ROBO1: variants seen among roughly 807,000 people sequenced by gnomAD.
ROBO1 encodes the protein roundabout homolog 1.
Under a neutral mutation model 195.9 loss-of-function variants are expected in ROBO1, and 149 were observed. The ratio of observed to expected loss-of-function variants is 0.76; its 90% CI spans 0.67 to 0.87. The LOEUF (loss-of-function observed/expected upper bound fraction) is 0.87, where lower values mean the gene tolerates loss of function less well. Ranked by LOEUF, ROBO1 falls within the 40% of genes least tolerant of loss-of-function variation. The pLI, the probability that ROBO1 is intolerant of heterozygous loss-of-function variation, is 0.00. For missense variants in ROBO1, 1,933 were observed against 2,068.3 expected (o/e 0.93, Z 1.27); for synonymous variants, 816 against 733.2 (o/e 1.11, Z -1.82).
intron 2 of ROBO1, among the ~76,000 whole-genome samples, chr3:79,250,086 G>T (rs966277897): frequency 6.6e-6 from 1 of 152,162 alleles, no homozygotes; most frequent in Non-Finnish European, 1.5e-5. Context: ...TGGTGTGGCA[G>T]TTAGAAGCTA....
chr3:78,779,793 G>A (rs765897127), intron 4 of ROBO1, among the ~76,000 whole-genome samples: 1 of 152,096 alleles, frequency 6.6e-6, no homozygotes, highest in Non-Finnish European at 1.5e-5. Flanking sequence ...CTACTATAAA[G>A]ACATATGCAC....
chr3:79,466,606 G>C (rs942622478), intron 2 of ROBO1, among the ~76,000 whole-genome samples: 1 of 152,122 alleles, frequency 6.6e-6, no homozygotes, highest in Admixed American at 6.6e-5. Flanking sequence ...GTAGATTCAA[G>C]TGGATCTTAG....
intron 4 of ROBO1, among the ~76,000 whole-genome samples, chr3:78,893,817 C>G (rs2037067014): frequency 6.6e-6 from 1 of 151,988 alleles, no homozygotes; most frequent in Non-Finnish European, 1.5e-5. Context: ...ATAGATTTTC[C>G]TCTAGGATCT....
chr3:79,588,825 T>C (rs938387818), intron 2 of ROBO1, among the ~76,000 whole-genome samples: 5 of 151,712 alleles, frequency 3.3e-5, no homozygotes, highest in African/African-American at 1.2e-4. Context: ...CATGTGAAAA[T>C]GTTTTTAACA....
chr3:79,030,608 A>T (rs1035643120), intron 3 of ROBO1, among the ~76,000 whole-genome samples: 35 of 152,252 alleles, frequency 2.3e-4, no homozygotes, highest in African/African-American at 7.7e-4. Flanking sequence ...CTATACAAAC[A>T]TCTTCAAAGC....
chr3:78,664,534 T>C (rs1477112639), intron 14 of ROBO1, among the ~76,000 whole-genome samples: 1 of 152,202 alleles, frequency 6.6e-6, no homozygotes, highest in Non-Finnish European at 1.5e-5. Context: ...AATCAAATCT[T>C]GTCTTTGGGA....
chr3:78,962,836 AAAAAAAAAAAAAAC>A (rs1406033215), intron 3 of ROBO1, among the ~76,000 whole-genome samples: 1 of 151,154 alleles, frequency 6.6e-6, no homozygotes, highest in East Asian at 1.9e-4. Flanking sequence ...AAAAAAAAAA[AAAAAAAAAAAAAAC>A]TTTTCACATT....
rs116190428 is a variant in ROBO1, at chr3:79,080,032, T to C, written c.172+45424A>G. Among the ~76,000 whole-genome samples the C allele has an allele frequency of 2.3e-3, 350 of 151,914 alleles. 5 individuals carry two copies. Among genetic ancestry groups the C allele is most frequent in the African/African-American group, 8.1e-3 (336 of 41,540 alleles). On this transcript the variant is annotated intron_variant, in intron 3 of 30. Coordinates refer to ENST00000464233, the MANE Select transcript of ROBO1 (RefSeq NM_002941.4). ...TGTTCTTGTTTCAAAAGTTTATATA[T>C]ATTATTAAAAAGAACAAGAATATAA...
At chr3:79,019,657 A>G (rs1308473172) in intron 3 of ROBO1, among the ~76,000 whole-genome samples, 1 of 151,982 alleles carries the variant, frequency 6.6e-6, no homozygotes, top group Non-Finnish European at 1.5e-5. Context: ...TGAGAATCCA[A>G]TTGCTCGGAA....
intron 2 of ROBO1, among the ~76,000 whole-genome samples, chr3:79,167,215 A>G (rs1453316131): frequency 1.3e-5 from 2 of 152,042 alleles, no homozygotes; most frequent in East Asian, 1.9e-4. Flanking sequence ...ATTCATCCAG[A>G]GCATCTAAAC....
At chr3:78,902,118 T>C (rs2037627596) in intron 4 of ROBO1, among the ~76,000 whole-genome samples, 1 of 152,184 alleles carries the variant, frequency 6.6e-6, no homozygotes, top group East Asian at 1.9e-4. Flanking sequence ...GCATCTTTGA[T>C]TACTTTTAAA....
chr3:79,344,745 A>T (rs1313818155), intron 2 of ROBO1, among the ~76,000 whole-genome samples: 1 of 152,036 alleles, frequency 6.6e-6, no homozygotes, highest in East Asian at 1.9e-4. Flanking sequence ...AGAGGGTGAT[A>T]TGGTTTGATT....
chr3:79,591,832 A>G (rs1014866104), intron 1 of ROBO1, among the ~76,000 whole-genome samples: 9 of 151,500 alleles, frequency 5.9e-5, no homozygotes, highest in Admixed American at 4.0e-4. Context: ...CAGTTGCCCT[A>G]TCTTCTTGGT....
chr3:79,506,655 G>C (rs1295864801), intron 2 of ROBO1, among the ~76,000 whole-genome samples: 2 of 152,134 alleles, frequency 1.3e-5, no homozygotes, highest in Non-Finnish European at 2.9e-5. Context: ...ATGTTGGCCA[G>C]GATGGTCTCG....
chr3:79,454,156 T>G (rs1367006880), intron 2 of ROBO1, among the ~76,000 whole-genome samples: 1 of 145,780 alleles, frequency 6.9e-6, no homozygotes, highest in African/African-American at 2.5e-5. Context: ...CTCCAAAACA[T>G]TACGCAGAGC....
chr3:79,260,136 A>G (rs1313727324), intron 2 of ROBO1, among the ~76,000 whole-genome samples: 1 of 151,668 alleles, frequency 6.6e-6, no homozygotes, highest in African/African-American at 2.4e-5. Flanking sequence ...TTGTATTCCC[A>G]TAATGTTATT....
chr3:79,719,382 A>G (rs1056935822), intron 1 of ROBO1, among the ~76,000 whole-genome samples: 2 of 152,100 alleles, frequency 1.3e-5, no homozygotes, highest in Admixed American at 1.3e-4. Flanking sequence ...ATCTCTCTGA[A>G]CCATATATAA....
chr3:79,514,707 G>A (rs1290718297), intron 2 of ROBO1, among the ~76,000 whole-genome samples: 2 of 143,520 alleles, frequency 1.4e-5, no homozygotes, highest in African/African-American at 6.0e-5. Flanking sequence ...GTCTGTGTGT[G>A]AGTGTTTATG....
At chr3:79,606,989 G>A (rs571514506) in intron 1 of ROBO1, among the ~76,000 whole-genome samples, 2 of 151,636 alleles carry the variant, frequency 1.3e-5, no homozygotes, top group Non-Finnish European at 2.9e-5. Context: ...TCCCATGATT[G>A]TCCTTACTGA....
Sources: allele counts gnomAD v4.1 joint callset (sites outside exome capture counted in the v4.1 genomes callset), GRCh38; gene constraint gnomAD v4.1.1; transcripts MANE v1.5; gene names NCBI Gene and HGNC (gene_info 2026-07-23, HGNC 2026-07-21).